Variants in CIP2A observed in about 807,000 individuals in gnomAD.
CIP2A encodes the protein cellular inhibitor of PP2A, also known as protein CIP2A.
A neutral mutation model predicts 110.9 loss-of-function variants in CIP2A; 103 were observed. The ratio of observed to expected loss-of-function variants is 0.93; its 90% confidence interval spans 0.79 to 1.09. The LOEUF (loss-of-function observed/expected upper bound fraction) is 1.09, where lower values mean the gene tolerates loss of function less well. Ranked by LOEUF, CIP2A falls within the 50% of genes least tolerant of loss-of-function variation. The probability of loss-of-function intolerance (pLI) is 0.00; values close to 1 mark genes in which losing one functional copy is unlikely to be tolerated. For synonymous variants in CIP2A, 381 were observed against 361.6 expected (o/e 1.05, Z -0.61); for missense variants, 1,088 against 1,038.4 (o/e 1.05, Z -0.66).
At chr3:108,558,688 G>T (rs1367461314) in intron 16 of CIP2A, among the ~76,000 whole-genome samples, 3 of 152,126 alleles carry the variant, frequency 2.0e-5, no homozygotes, top group South Asian at 2.1e-4. Flanking sequence ...AGGCTTCTGG[G>T]TAATGAGGAT....
chr3:108,584,456 C>A (rs1387899600), intron 2 of CIP2A, among the ~76,000 whole-genome samples: 2 of 152,272 alleles, frequency 1.3e-5, no homozygotes, highest in Non-Finnish European at 1.5e-5. Flanking sequence ...AGGCTCACCC[C>A]ATTTTACTCT....
intron 2 of CIP2A, among the ~76,000 whole-genome samples, chr3:108,583,801 G>A (rs1938962782): frequency 1.3e-5 from 2 of 152,178 alleles, no homozygotes; most frequent in Admixed American, 1.3e-4. Context: ...ATCCTCATTT[G>A]TGATGGATAT....
intron 8 of CIP2A, among the ~76,000 whole-genome samples, chr3:108,571,546 C>A (rs1247373500): frequency 6.6e-6 from 1 of 152,160 alleles, no homozygotes; most frequent in African/African-American, 2.4e-5. Flanking sequence ...GTTTGTGTAT[C>A]TTACCATATG....
At chr3:108,578,437 T>C (rs13078271) in intron 7 of CIP2A, among the ~76,000 whole-genome samples, 3,937 of 152,272 alleles carry the variant, frequency 0.026, 87 homozygotes, top group Non-Finnish European at 0.04. Flanking sequence ...ACTTCTTGGT[T>C]TTGCAAAGTA....
Position 108,557,396 on chromosome 3 carries a change from T to C in CIP2A, c.2032A>G (p.Met678Val), listed in dbSNP as rs141201957. 1.9e-6 allele frequency: 3 copies of C among 1,597,838 alleles called. No individual in the cohort carries two copies. The highest frequency in any genetic ancestry group is 2.7e-5 in the African/African-American group (2 of 73,878). The stretch of plus-strand genomic sequence containing the variant: ...TTTTTTCTCTCAACTTCTCTCAACA[T>C]ACTAGCAAGTGTCCGTGCCTCAAAA... ...AETEARTLAS[M>V]LREVERKNEE... The change falls in exon 17 of 21, where the codon ATG becomes GTG. Residue 678 changes from methionine (M) to valine (V), a missense_variant. Met to Val is a conservative substitution (Grantham distance 21, BLOSUM62 1). Coordinates refer to ENST00000295746, the MANE Select transcript of CIP2A (RefSeq NM_020890.3).
At chr3:108,569,990 A>C (rs1299116637) in intron 8 of CIP2A, among the ~76,000 whole-genome samples, 2 of 152,130 alleles carry the variant, frequency 1.3e-5, no homozygotes, top group African/African-American at 4.8e-5. Flanking sequence ...TAATCCTAAA[A>C]TTCAATAACC....
rs369862050 is a variant in CIP2A, at chr3:108,557,232, C to T, written c.2196G>A (p.Met732Ile). 1.3e-5 allele frequency: 21 copies of T among 1,588,796 alleles called. No homozygotes were observed. Among genetic ancestry groups the T allele is most frequent in the Non-Finnish European group, 1.6e-5 (19 of 1,162,328 alleles). The change falls in exon 17 of 21, where the codon ATG (methionine) becomes ATA (isoleucine). Residue 732 changes from methionine (M) to isoleucine (I), a missense_variant. By Grantham distance (10) the Met-to-Ile change is conservative. Coordinates refer to ENST00000295746, the MANE Select transcript of CIP2A (RefSeq NM_020890.3). ...ACTTTATTTACCTCTGAAGAAGTTCCATGTAGGATTTTGTCAGTATTTCAT... is the reference window on the plus strand; with the variant it reads ...ACTTTATTTACCTCTGAAGAAGTTCTATGTAGGATTTTGTCAGTATTTCAT... ...EEHEILTKSY[M>I]ELLQRNESTE...
intron 1 of CIP2A, among the ~76,000 whole-genome samples, chr3:108,586,105 A>G (rs1031461021): frequency 6.6e-6 from 1 of 152,206 alleles, no homozygotes; most frequent in South Asian, 2.1e-4. Flanking sequence ...ACTTATTTTA[A>G]TAAGATCAAG....
chr3:108,557,353 A>G lies in CIP2A; in HGVS notation c.2075T>C (p.Leu692Ser), dbSNP rs745578596. The G allele has an allele frequency of 3.1e-6, 5 of 1,612,464 alleles. No homozygotes were observed. The South Asian group carries it at 5.5e-5, about 18-fold the overall frequency. ...TGATTCAACTTGCTGCGCCTTCAGC[A>G]ACACACTAAGCTCTTCATTTTTTCT... ...VERKNEELSV[L>S]LKAQQVESER... The change falls in exon 17 of 21, where the codon TTG (leucine) becomes TCG (serine). Residue 692 changes from leucine to serine, a missense_variant. Transcript: ENST00000295746.
chr3:108,554,405 C>T lies in CIP2A; in HGVS notation c.2295G>A (p.Leu765=), dbSNP rs1230224227. Residue 765 remains leucine, a synonymous_variant, in exon 18 of 21, where the codon TTG becomes TTA. Transcript: ENST00000295746. ...CATTTTGTTCCTTGAGTGACTCATT[C>T]AACTTTTTCACTGTCTCAATTTGTT... ...LNKQIETVKK[L]NESLKEQNEK... 2 of 1,543,788 alleles carry T rather than the reference C, an allele frequency of 1.3e-6. No individual in the cohort carries two copies. The highest frequency in any genetic ancestry group is 1.8e-6 in the Non-Finnish European group (2 of 1,122,534).
chr3:108,581,036 G>A (rs921287840), intron 5 of CIP2A, among the ~76,000 whole-genome samples: 3 of 152,186 alleles, frequency 2.0e-5, no homozygotes, highest in Non-Finnish European at 4.4e-5. Flanking sequence ...TTCTGGTGGG[G>A]TTGCCATTGA....
At chr3:108,574,424 A>G (rs1211545783) in intron 8 of CIP2A, 2 of 152,220 alleles carry the variant, frequency 1.3e-5, no homozygotes, top group African/African-American at 2.4e-5. Flanking sequence ...AAACTGTTTC[A>G]TAGTGACTAC....
intron 1 of CIP2A, 25 bp from the exon 2 acceptor site, chr3:108,585,237 T>C (rs1383828570): frequency 6.4e-6 from 10 of 1,571,708 alleles, no homozygotes; most frequent in Non-Finnish European, 8.7e-6. Flanking sequence ...TCAAAATGTG[T>C]TGGTTAAGCG....
intron 8 of CIP2A, among the ~76,000 whole-genome samples, chr3:108,571,943 A>G (rs948244465): frequency 4.6e-5 from 7 of 152,240 alleles, no homozygotes; most frequent in African/African-American, 1.7e-4. Context: ...TGATACTACC[A>G]TTTAAATCTG....
chr3:108,554,429 T>C lies in CIP2A; in HGVS notation c.2271A>G (p.Lys757=). 1 of 1,568,320 alleles carries C rather than the reference T, an allele frequency of 6.4e-7. No homozygotes were observed. The highest frequency in any genetic ancestry group is 8.7e-7 in the Non-Finnish European group (1 of 1,143,430). Residue 757 remains lysine, a synonymous_variant, in exon 18 of 21, where the codon AAA becomes AAG. Transcript: ENST00000295746. ...DLQITCDSLN[K]QIETVKKLNE... is the part of the protein sequence containing the mutation. ...TCAACTTTTTCACTGTCTCAATTTGTTTATTCAGAGAATCACATGTGATCT... is the reference window on the plus strand; with the variant it reads ...TCAACTTTTTCACTGTCTCAATTTGCTTATTCAGAGAATCACATGTGATCT...
At chr3:108,568,035 TA>T (rs1938244027) in intron 10 of CIP2A, 119 bp downstream of exon 10, 2 of 675,324 alleles carry the variant, frequency 3.0e-6, no homozygotes, top group African/African-American at 3.7e-5. Context: ...TCAGTAATTC[TA>T]GATAAATATG....
chr3:108,573,486 G>C (rs528915688), intron 8 of CIP2A, among the ~76,000 whole-genome samples: 2 of 150,698 alleles, frequency 1.3e-5, no homozygotes, highest in East Asian at 3.9e-4. Flanking sequence ...TTCTCTTTCA[G>C]GTTTTGATAC....
intron 9 of CIP2A, 82 bp from the exon 10 acceptor site, chr3:108,568,396 T>G: frequency 1.8e-6 from 2 of 1,118,550 alleles, no homozygotes; most frequent in Non-Finnish European, 2.6e-6. Context: ...ATTGTAACAC[T>G]CTCTTTAAAT....
chr3:108,585,903 C>T (rs1039077034), intron 1 of CIP2A: 12 of 387,560 alleles, frequency 3.1e-5, no homozygotes, highest in Non-Finnish European at 5.6e-5. Context: ...CAGACACATA[C>T]ATACACACAC....
Sources: allele counts gnomAD v4.1 joint callset (sites outside exome capture counted in the v4.1 genomes callset), GRCh38; gene constraint gnomAD v4.1.1; transcripts MANE v1.5; gene names NCBI Gene and HGNC (gene_info 2026-07-23, HGNC 2026-07-21).